ATXN2: variants seen among roughly 807,000 people sequenced by gnomAD.
The protein encoded by ATXN2 is ataxin-2.
ATXN2 carries 37 observed loss-of-function variants against 138.6 expected under a neutral mutation model. That is an observed-to-expected ratio of 0.27 (90% CI 0.21 to 0.35). ATXN2 has a LOEUF of 0.35. Among genes scored for constraint, ATXN2 ranks in the 10% least tolerant of loss-of-function variants. ATXN2 has a pLI of 1.00. For missense variants in ATXN2, 1,216 were observed against 1,480.3 expected (o/e 0.82, Z 2.93); for synonymous variants, 549 against 543.7 (o/e 1.01, Z -0.13).
chr12:111,497,656 A>AT (rs1415358666), intron 14 of ATXN2, among the ~76,000 whole-genome samples: 2 of 151,358 alleles, frequency 1.3e-5, no homozygotes, highest in Non-Finnish European at 2.9e-5. Context: ...ACTGTGTATG[A>AT]TATAAATATA....
At chr12:111,579,609 A>G (rs1384004764) in intron 1 of ATXN2, among the ~76,000 whole-genome samples, 1 of 151,818 alleles carries the variant, frequency 6.6e-6, no homozygotes, top group Non-Finnish European at 1.5e-5. Context: ...AATGTCCACC[A>G]CTAGATGAAC....
At chr12:111,563,579 TTACATA>T (rs1297247698) in intron 1 of ATXN2, among the ~76,000 whole-genome samples, 23 of 152,296 alleles carry the variant, frequency 1.5e-4, no homozygotes, top group African/African-American at 5.5e-4. Context: ...ATATTAAATC[TTACATA>T]TACAATTACC....
intron 14 of ATXN2, among the ~76,000 whole-genome samples, chr12:111,505,964 TA>T (rs1212370001): frequency 1.3e-5 from 2 of 152,174 alleles, no homozygotes; most frequent in Non-Finnish European, 2.9e-5. Context: ...GATTAATGGA[TA>T]AACAAAATGT....
chr12:111,565,294 G>A lies in ATXN2; in HGVS notation c.252-9375C>T, dbSNP rs569589906. 1.6e-4 allele frequency among the ~76,000 whole-genome samples: 25 copies of A among 152,218 alleles called. No homozygotes were observed. The East Asian group carries it at 4.1e-3, about 25-fold the overall frequency. Reference sequence around the variant, plus strand: ...CAAGCTGACCGTCTGTGGAAACCCCGAGTCGGGCAAGTCCATTAGTGCCGT... The same window carrying A: ...CAAGCTGACCGTCTGTGGAAACCCCAAGTCGGGCAAGTCCATTAGTGCCGT... On this transcript the variant is annotated intron_variant, in intron 1 of 24. Transcript: ENST00000673436.
intron 1 of ATXN2, among the ~76,000 whole-genome samples, chr12:111,571,340 A>C (rs985149049): frequency 2.0e-4 from 30 of 152,254 alleles, no homozygotes; most frequent in African/African-American, 6.8e-4. Context: ...GTGAGGGAAA[A>C]TGGTAATCTT....
At chr12:111,553,603 A>ATTTT (rs1218364554) in intron 3 of ATXN2, among the ~76,000 whole-genome samples, 8 of 70,068 alleles carry the variant, frequency 1.1e-4, no homozygotes, top group Non-Finnish European at 8.6e-5. Context: ...AAAAAAAAAA[A>ATTTT]ATTTTTTTTT....
chr12:111,474,855 G>A (rs973438809), intron 18 of ATXN2, among the ~76,000 whole-genome samples: 4 of 152,032 alleles, frequency 2.6e-5, no homozygotes, highest in Non-Finnish European at 2.9e-5. Context: ...AGGCCGAGGC[G>A]GGTGGATCAT....
chr12:111,513,766 T>C (rs1413206654), intron 10 of ATXN2, among the ~76,000 whole-genome samples: 1 of 152,048 alleles, frequency 6.6e-6, no homozygotes, highest in African/African-American at 2.4e-5. Flanking sequence ...ATAAATTTTA[T>C]TATTTCCCTT....
intron 13 of ATXN2, 43 bp downstream of exon 13, chr12:111,509,848 T>C (rs756529360): frequency 6.4e-6 from 9 of 1,410,266 alleles, no homozygotes; most frequent in Non-Finnish European, 8.0e-6. Flanking sequence ...ACATACTTCT[T>C]CCTATTCCTA....
chr12:111,484,554 C>T (rs553825078), intron 18 of ATXN2, among the ~76,000 whole-genome samples: 3 of 152,024 alleles, frequency 2.0e-5, no homozygotes, highest in African/African-American at 4.8e-5. Context: ...TGCCTCAGCC[C>T]CACCTAGTAG....
intron 1 of ATXN2, among the ~76,000 whole-genome samples, chr12:111,568,094 C>T (rs547267939): frequency 6.6e-6 from 1 of 152,096 alleles, no homozygotes; most frequent in South Asian, 2.1e-4. Flanking sequence ...AATCCCCTCT[C>T]AAATAAAAAT....
chr12:111,479,091 C>T (rs11835972), intron 18 of ATXN2: 1 of 391,656 alleles, frequency 2.6e-6, no homozygotes, highest in Non-Finnish European at 4.5e-6. Flanking sequence ...AATTCCAATT[C>T]TAGGTATTTA....
In ATXN2 at chr12:111,452,500, T is replaced by G; in HGVS notation, c.*312A>C. 2 of 234,602 alleles carry G rather than the reference T, an allele frequency of 8.5e-6. No homozygotes were observed. The highest frequency in any genetic ancestry group is 1.6e-5 in the Non-Finnish European group (2 of 122,948). 14.5% of individuals were successfully genotyped at this position (234,602 alleles called of 1,614,324 possible). On this transcript the variant is annotated 3_prime_UTR_variant, in exon 25 of 25. Coordinates refer to ENST00000673436, the MANE Select transcript of ATXN2 (RefSeq NM_001372574.1). ...TCTTGTTACTTCTTTTGCTAGCTGA[T>G]GTGTTCATGACTTTCAAGGGTTATT...
chr12:111,525,164 T>A (rs755967486), intron 6 of ATXN2, 28 bp downstream of exon 6: 1 of 1,597,578 alleles, frequency 6.3e-7, no homozygotes, highest in Non-Finnish European at 8.5e-7. Flanking sequence ...GACCAGAGTC[T>A]AGCAATAATT....
intron 14 of ATXN2, among the ~76,000 whole-genome samples, chr12:111,506,510 A>G (rs1261202362): frequency 1.3e-5 from 2 of 152,200 alleles, no homozygotes; most frequent in African/African-American, 4.8e-5. Flanking sequence ...TTCATGAGAT[A>G]TTAAATTCAA....
At chr12:111,574,718 C>T (rs936963417) in intron 1 of ATXN2, among the ~76,000 whole-genome samples, 1 of 152,084 alleles carries the variant, frequency 6.6e-6, no homozygotes, top group Non-Finnish European at 1.5e-5. Context: ...CCACTGTGCC[C>T]AGCCAAAATT....
chr12:111,571,833 G>A (rs1883331875), intron 1 of ATXN2, among the ~76,000 whole-genome samples: 1 of 151,458 alleles, frequency 6.6e-6, no homozygotes, highest in Non-Finnish European at 1.5e-5. Context: ...CCAATGTGGC[G>A]AAACCCCATC....
intron 18 of ATXN2, among the ~76,000 whole-genome samples, chr12:111,475,145 C>T (rs982035252): frequency 6.6e-6 from 1 of 151,482 alleles, no homozygotes; most frequent in African/African-American, 2.4e-5. Context: ...ACCCAAGAGG[C>T]GGAGCTTGCA....
At chr12:111,580,990 T>C (rs1259776592) in intron 1 of ATXN2, among the ~76,000 whole-genome samples, 2 of 151,370 alleles carry the variant, frequency 1.3e-5, no homozygotes, top group African/African-American at 4.8e-5. Flanking sequence ...ATACAAAACC[T>C]AGCCGGCTGT....
Sources: gnomAD v4.1 joint callset for allele counts (sites outside exome capture counted in the v4.1 genomes callset) on GRCh38, gnomAD v4.1.1 for gene constraint, MANE v1.5 for transcripts, NCBI Gene and HGNC (gene_info 2026-07-23, HGNC 2026-07-21) for gene names.